The following NRG3 variants were observed in gnomAD, a reference collection of about 807,000 sequenced individuals.
The protein encoded by NRG3 is pro-neuregulin-3, membrane-bound isoform.
NRG3 carries 31 observed loss-of-function variants against 66.9 expected under a neutral mutation model. The observed-to-expected ratio is 0.46, with a 90% CI of 0.35 to 0.63. The LOEUF (loss-of-function observed/expected upper bound fraction) is 0.63, where lower values mean the gene tolerates loss of function less well. Among genes scored for constraint, NRG3 ranks in the 20% least tolerant of loss-of-function variants. The probability of loss-of-function intolerance (pLI) is 0.00; values close to 1 mark genes in which losing one functional copy is unlikely to be tolerated. For synonymous variants in NRG3, 393 were observed against 359.4 expected, an observed-to-expected ratio of 1.09 and a Z score of -1.06; for missense variants, 910 against 878.9, an observed-to-expected ratio of 1.04 and a Z score of -0.45.
chr10:82,869,546 C>T (rs573840744), intron 4 of NRG3, among the ~76,000 whole-genome samples: 1 of 145,568 alleles, frequency 6.9e-6, no homozygotes, highest in African/African-American at 2.6e-5. Flanking sequence ...CCTTGCCTTT[C>T]CCCAACCACT....
At chr10:82,873,356 T>A (rs1322356814) in intron 4 of NRG3, among the ~76,000 whole-genome samples, 1 of 152,200 alleles carries the variant, frequency 6.6e-6, no homozygotes, top group Non-Finnish European at 1.5e-5. Context: ...CATTCATTCA[T>A]GCATGAGGGA....
chr10:82,732,154 G>T (rs771013155), intron 2 of NRG3, among the ~76,000 whole-genome samples: 1 of 151,976 alleles, frequency 6.6e-6, no homozygotes, highest in East Asian at 1.9e-4. Context: ...CATAAAAAAA[G>T]AAATGTCATT....
intron 7 of NRG3, among the ~76,000 whole-genome samples, chr10:82,975,564 A>G (rs1174041136): frequency 6.6e-6 from 1 of 152,186 alleles, no homozygotes; most frequent in Non-Finnish European, 1.5e-5. Context: ...GTTGGCATAC[A>G]CTGTGTCCTG....
intron 3 of NRG3, among the ~76,000 whole-genome samples, chr10:82,799,352 C>T (rs1207523748): frequency 1.3e-5 from 2 of 151,806 alleles, no homozygotes; most frequent in Non-Finnish European, 1.5e-5. Context: ...GCGGTGAAAC[C>T]CCATCTCTAC....
At chr10:82,284,971 C>T (rs1472600515) in intron 1 of NRG3, among the ~76,000 whole-genome samples, 1 of 152,144 alleles carries the variant, frequency 6.6e-6, no homozygotes, top group Non-Finnish European at 1.5e-5. Flanking sequence ...AATATTTTAG[C>T]TGTATCTGAA....
intron 3 of NRG3, among the ~76,000 whole-genome samples, chr10:82,825,952 G>T (rs478982): frequency 6.6e-6 from 1 of 151,850 alleles, no homozygotes; most frequent in African/African-American, 2.4e-5. Context: ...TACATTTAGC[G>T]TACATTGTGT....
At chr10:82,412,742 C>T (rs1024962863) in intron 2 of NRG3, among the ~76,000 whole-genome samples, 2 of 152,210 alleles carry the variant, frequency 1.3e-5, no homozygotes, top group Non-Finnish European at 2.9e-5. Flanking sequence ...ACTGCCACTA[C>T]TTTATCAAAT....
chr10:82,625,137 C>T (rs2049328875), intron 2 of NRG3, among the ~76,000 whole-genome samples: 3 of 151,654 alleles, frequency 2.0e-5, no homozygotes, highest in South Asian at 2.1e-4. Context: ...TTCCAGCAAC[C>T]CCATTTTAAA....
chr10:82,832,504 A>T (rs997466418), intron 3 of NRG3, among the ~76,000 whole-genome samples: 1 of 152,160 alleles, frequency 6.6e-6, no homozygotes, highest in Non-Finnish European at 1.5e-5. Context: ...CAATAATAAT[A>T]TATGGCAATA....
chr10:82,730,374 G>A (rs116293226), intron 2 of NRG3, among the ~76,000 whole-genome samples: 12,103 of 152,116 alleles, frequency 0.08, 587 homozygotes, highest in Middle Eastern at 0.18. Flanking sequence ...GTGAGCTACC[G>A]TGCCTGGCCA....
At chr10:82,706,368 G>A (rs2134341887) in intron 2 of NRG3, among the ~76,000 whole-genome samples, 1 of 152,222 alleles carries the variant, frequency 6.6e-6, no homozygotes, top group South Asian at 2.1e-4. Context: ...TTATTTCCAT[G>A]CCCTCCTTGG....
intron 4 of NRG3, among the ~76,000 whole-genome samples, chr10:82,946,897 G>A (rs11196606): frequency 2.0e-5 from 3 of 151,908 alleles, no homozygotes; most frequent in East Asian, 1.9e-4. Flanking sequence ...CTGCATATTC[G>A]ACATATTCTT....
intron 1 of NRG3, among the ~76,000 whole-genome samples, chr10:82,146,092 A>T (rs906576638): frequency 1.3e-5 from 2 of 152,190 alleles, no homozygotes; most frequent in African/African-American, 4.8e-5. Context: ...CAAGCTGTTT[A>T]TGACAGCATC....
intron 1 of NRG3, among the ~76,000 whole-genome samples, chr10:82,030,848 A>C (rs1448523201): frequency 6.6e-6 from 1 of 152,118 alleles, no homozygotes; most frequent in Non-Finnish European, 1.5e-5. Context: ...CAGAGTAATG[A>C]GCTCAATTCA....
chr10:82,615,176 C>T (rs2048564279), intron 2 of NRG3, among the ~76,000 whole-genome samples: 1 of 152,100 alleles, frequency 6.6e-6, no homozygotes, highest in African/African-American at 2.4e-5. Flanking sequence ...ATTTATTACT[C>T]ATTAACTGGC....
At chr10:82,965,116 C>CA (rs1483113654) in intron 6 of NRG3, among the ~76,000 whole-genome samples, 11 of 152,070 alleles carry the variant, frequency 7.2e-5, no homozygotes, top group Non-Finnish European at 1.3e-4. Flanking sequence ...TTAACAACAA[C>CA]AACAAAAAAC....
intron 1 of NRG3, among the ~76,000 whole-genome samples, chr10:81,963,151 T>TTTTG (rs745834169): frequency 8.9e-5 from 12 of 135,494 alleles, no homozygotes; most frequent in Admixed American, 1.5e-4. Context: ...TTTTTTTTTT[T>TTTTG]GAGACGGAGT....
At chr10:82,974,349 C>T (rs1209604773) in intron 7 of NRG3, among the ~76,000 whole-genome samples, 2 of 152,110 alleles carry the variant, frequency 1.3e-5, no homozygotes, top group Non-Finnish European at 2.9e-5. Flanking sequence ...GGTGAATCTT[C>T]TTCTTGGGTC....
At chr10:82,466,473 T>C (rs184697288) in intron 2 of NRG3, among the ~76,000 whole-genome samples, 1 of 152,166 alleles carries the variant, frequency 6.6e-6, no homozygotes, top group East Asian at 1.9e-4. Flanking sequence ...ACTAGGGAGA[T>C]AGGGGCTTAA....
Sources: allele counts gnomAD v4.1 joint callset (sites outside exome capture counted in the v4.1 genomes callset), GRCh38; gene constraint gnomAD v4.1.1; transcripts MANE v1.5; gene names NCBI Gene and HGNC (gene_info 2026-07-23, HGNC 2026-07-21).